The following PCDH15 variants were observed in gnomAD, a reference collection of about 807,000 sequenced individuals.
The protein encoded by PCDH15 is protocadherin-15.
A neutral mutation model predicts 178.5 loss-of-function variants in PCDH15; 129 were observed. The observed-to-expected ratio is 0.72, with a 90% CI of 0.63 to 0.84. The LOEUF (loss-of-function observed/expected upper bound fraction) is 0.84. Among genes scored for constraint, PCDH15 ranks in the 40% least tolerant of loss-of-function variants. PCDH15 has a pLI of 0.00. For missense variants in PCDH15, 2,230 were observed against 2,099.9 expected (o/e 1.06, Z -1.21); for synonymous variants, 800 against 732.0 (o/e 1.09, Z -1.50).
chr10:54,560,173 G>GT (rs2087913515), intron 2 of PCDH15, among the ~76,000 whole-genome samples: 1 of 151,968 alleles, frequency 6.6e-6, no homozygotes. Context: ...TACATGAATG[G>GT]TCCTAATGTC....
intron 2 of PCDH15, among the ~76,000 whole-genome samples, chr10:55,377,139 TC>T (rs1837412058): frequency 6.8e-6 from 1 of 147,172 alleles, no homozygotes; most frequent in Non-Finnish European, 1.5e-5. Context: ...GATAACTCTT[TC>T]TTCACTAAAA....
At chr10:53,839,029 C>G (rs780821398) in intron 29 of PCDH15, among the ~76,000 whole-genome samples, 10 of 151,584 alleles carry the variant, frequency 6.6e-5, no homozygotes, top group Admixed American at 3.3e-4. Context: ...ATGGTAAAAC[C>G]CCGTCTCTAC....
At chr10:55,142,282 G>A (rs962230193) in intron 2 of PCDH15, among the ~76,000 whole-genome samples, 1 of 151,958 alleles carries the variant, frequency 6.6e-6, no homozygotes, top group Non-Finnish European at 1.5e-5. Flanking sequence ...CAATGACCCA[G>A]GACCATCACT....
intron 1 of PCDH15, among the ~76,000 whole-genome samples, chr10:54,760,910 G>A (rs1279040053): frequency 6.6e-6 from 1 of 152,014 alleles, no homozygotes; most frequent in African/African-American, 2.4e-5. Context: ...ACTCTTCTGT[G>A]CAGAAATTCA....
chr10:53,923,050 G>A (rs1589436222), intron 25 of PCDH15, among the ~76,000 whole-genome samples: 1 of 152,116 alleles, frequency 6.6e-6, no homozygotes, highest in Non-Finnish European at 1.5e-5. Context: ...TCGTGCCACT[G>A]CACTCTAGCC....
At chr10:54,629,260 A>G (rs1287594665) in intron 2 of PCDH15, among the ~76,000 whole-genome samples, 1 of 152,164 alleles carries the variant, frequency 6.6e-6, no homozygotes, top group African/African-American at 2.4e-5. Context: ...TGTTACATTT[A>G]ATTAAACATT....
chr10:55,571,350 C>T (rs1842404923), intron 2 of PCDH15, among the ~76,000 whole-genome samples: 1 of 152,030 alleles, frequency 6.6e-6, no homozygotes, highest in Non-Finnish European at 1.5e-5. Context: ...ATTATGCAGT[C>T]TCAGGTATTC....
intron 3 of PCDH15, among the ~76,000 whole-genome samples, chr10:54,459,682 A>T (rs1038019320): frequency 1.2e-4 from 18 of 152,172 alleles, no homozygotes; most frequent in African/African-American, 4.3e-4. Context: ...CGTTTCCAAG[A>T]AAGAATAATT....
At chr10:54,966,282 G>T (rs948314087) in intron 2 of PCDH15, among the ~76,000 whole-genome samples, 1 of 151,852 alleles carries the variant, frequency 6.6e-6, no homozygotes, top group African/African-American at 2.4e-5. Flanking sequence ...TTCTGTTTTT[G>T]TTTATTTATT....
intron 2 of PCDH15, among the ~76,000 whole-genome samples, chr10:54,556,714 C>T (rs7905440): frequency 0.81 from 120,940 of 149,500 alleles, 49,083 homozygotes; most frequent in East Asian, 0.99. Flanking sequence ...AAAGAATGGC[C>T]ACTCCATAGA....
intron 18 of PCDH15, among the ~76,000 whole-genome samples, chr10:54,042,269 T>C (rs1453642233): frequency 6.6e-6 from 1 of 152,114 alleles, no homozygotes; most frequent in East Asian, 1.9e-4. Context: ...CTGAGTTTCA[T>C]ATGGATTAGA....
chr10:54,845,597 A>G (rs1038456315), intron 3 of PCDH15, among the ~76,000 whole-genome samples: 2 of 152,090 alleles, frequency 1.3e-5, no homozygotes, highest in African/African-American at 4.8e-5. Flanking sequence ...CTATTATATT[A>G]ATATTCTTTA....
At chr10:54,235,679 G>GT (rs2054558838) in intron 9 of PCDH15, among the ~76,000 whole-genome samples, 1 of 152,048 alleles carries the variant, frequency 6.6e-6, no homozygotes, top group African/African-American at 2.4e-5. Flanking sequence ...TTGTTTTAAT[G>GT]TTTTTTAGCC....
At chr10:54,745,947 A>C (rs1173425606) in intron 1 of PCDH15, among the ~76,000 whole-genome samples, 1 of 152,216 alleles carries the variant, frequency 6.6e-6, no homozygotes, top group South Asian at 2.1e-4. Flanking sequence ...GATAATAGGA[A>C]AACTTATTGG....
intron 11 of PCDH15, among the ~76,000 whole-genome samples, chr10:54,188,036 A>G (rs1366685927): frequency 1.3e-5 from 2 of 151,878 alleles, no homozygotes; most frequent in Non-Finnish European, 3.0e-5. Flanking sequence ...ATAGATACAT[A>G]TCAGTACCAA....
chr10:55,249,402 C>T (rs193194582), intron 1 of PCDH15, among the ~76,000 whole-genome samples: 1 of 152,128 alleles, frequency 6.6e-6, no homozygotes, highest in East Asian at 1.9e-4. Context: ...GTTCATCTAC[C>T]TATATGTAAT....
At chr10:54,171,830 G>A (rs2046940588) in intron 13 of PCDH15, among the ~76,000 whole-genome samples, 2 of 151,514 alleles carry the variant, frequency 1.3e-5, no homozygotes, top group African/African-American at 4.9e-5. Context: ...CATTCTATAT[G>A]ACAAATGTTT....
intron 16 of PCDH15, among the ~76,000 whole-genome samples, chr10:54,079,673 A>T (rs889635967): frequency 1.3e-5 from 2 of 152,208 alleles, no homozygotes; most frequent in Non-Finnish European, 2.9e-5. Flanking sequence ...GAAACAAAAC[A>T]TAACAAAACT....
chr10:54,288,947 C>T (rs1564874016), intron 8 of PCDH15, among the ~76,000 whole-genome samples: 1 of 152,232 alleles, frequency 6.6e-6, no homozygotes, highest in Non-Finnish European at 1.5e-5. Flanking sequence ...CATAGCTGAA[C>T]AAAAAGCAGC....
Sources: allele counts gnomAD v4.1 joint callset (sites outside exome capture counted in the v4.1 genomes callset), GRCh38; gene constraint gnomAD v4.1.1; transcripts MANE v1.5; gene names NCBI Gene and HGNC (gene_info 2026-07-23, HGNC 2026-07-21).